Variants in LMO1 observed in about 807,000 individuals in gnomAD.
LMO1 encodes the protein rhombotin-1.
In LMO1, 10 loss-of-function variants were observed where a neutral mutation model predicts 18.0. The ratio of observed to expected loss-of-function variants is 0.55; its 90% confidence interval spans 0.34 to 0.94. LMO1 has a LOEUF of 0.94. Among genes scored for constraint, LMO1 ranks in the 40% least tolerant of loss-of-function variants. LMO1 has a pLI of 0.02. For missense variants in LMO1, 183 were observed against 205.7 expected (o/e 0.89, Z 0.68); for synonymous variants, 77 against 77.9 (o/e 0.99, Z 0.06).
chr11:8,225,172 G>A (rs2134506554), intron 3 of LMO1, among the ~76,000 whole-genome samples: 1 of 151,996 alleles, frequency 6.6e-6, no homozygotes, highest in East Asian at 1.9e-4. Context: ...CCAACACTTT[G>A]GGAGGCTGAG....
chr11:8,268,414 GC>G, upstream of LMO1: 1 of 1,468,542 alleles, frequency 6.8e-7, no homozygotes, highest in Non-Finnish European at 9.0e-7. Flanking sequence ...GGCACCGGGC[GC>G]CGGGCACCTA....
In LMO1 at chr11:8,247,938, G is replaced by A. The variant is rs145968912; in HGVS notation, c.25+15400C>T. On this transcript the variant is annotated intron_variant, in intron 1 of 3. Coordinates refer to ENST00000335790, the MANE Select transcript of LMO1 (RefSeq NM_002315.3). ...ACTGTGTTCTCACCAACACCTCCTC[G>A]GGTGGGCACAGTGCTGCCTGGCTGG... 6.2e-4 allele frequency among the ~76,000 whole-genome samples: 95 copies of A among 152,312 alleles called. 1 individual carries two copies. The East Asian group carries it at 0.016, about 25-fold the overall frequency.
intron 3 of LMO1, 162 bp downstream of exon 3, chr11:8,226,813 A>G: frequency 4.5e-6 from 6 of 1,341,060 alleles, no homozygotes; most frequent in Non-Finnish European, 5.8e-6. Context: ...ACACACACAT[A>G]AAACACATAA....
chr11:8,252,551 G>C (rs2134572194), intron 1 of LMO1, among the ~76,000 whole-genome samples: 1 of 152,382 alleles, frequency 6.6e-6, no homozygotes, highest in South Asian at 2.1e-4. Flanking sequence ...GTGATGGAAT[G>C]TCACATCTGT....
At chr11:8,259,392 G>A (rs945853491) in intron 1 of LMO1, among the ~76,000 whole-genome samples, 4 of 152,186 alleles carry the variant, frequency 2.6e-5, no homozygotes, top group Non-Finnish European at 2.9e-5. Flanking sequence ...AAGGGGAAGC[G>A]GCTGTATGTG....
chr11:8,224,777 G>A (rs1952504059), intron 3 of LMO1, 56 bp from the exon 4 acceptor site: 1 of 1,206,804 alleles, frequency 8.3e-7, no homozygotes, highest in East Asian at 2.5e-5. Context: ...GGGTAAGGGG[G>A]GGGCTGCAGA....
intron 1 of LMO1, among the ~76,000 whole-genome samples, chr11:8,247,110 G>A (rs1379939623): frequency 6.6e-6 from 1 of 152,212 alleles, no homozygotes; most frequent in East Asian, 1.9e-4. Context: ...TGAAATTTCT[G>A]CATCCTTCAA....
chr11:8,260,439 A>G (rs555424561), intron 1 of LMO1, among the ~76,000 whole-genome samples: 1 of 152,164 alleles, frequency 6.6e-6, no homozygotes, highest in Non-Finnish European at 1.5e-5. Context: ...GGCCAAGAGC[A>G]AGCATCCAAA....
intron 1 of LMO1, among the ~76,000 whole-genome samples, chr11:8,239,416 G>A (rs1846745452): frequency 6.6e-6 from 1 of 152,252 alleles, no homozygotes; most frequent in South Asian, 2.1e-4. Flanking sequence ...CAGCAAGGGG[G>A]CATGGACCAG....
At chr11:8,225,798 C>T (rs1171943959) in intron 3 of LMO1, among the ~76,000 whole-genome samples, 2 of 152,206 alleles carry the variant, frequency 1.3e-5, no homozygotes, top group Non-Finnish European at 2.9e-5. Flanking sequence ...ACAGCAGGTC[C>T]GGCCAGAGCC....
chr11:8,268,222 C>A (rs1004892029), upstream of LMO1, among the ~76,000 whole-genome samples: 1 of 152,130 alleles, frequency 6.6e-6, no homozygotes, highest in Non-Finnish European at 1.5e-5. Context: ...GAAGCCCGGG[C>A]GCTGAGCCTG....
In LMO1 at chr11:8,227,018, C is replaced by T. The variant is rs374994142; in HGVS notation, c.322G>A (p.Val108Met). 1.9e-6 allele frequency: 3 copies of T among 1,613,766 alleles called. No individual in the cohort carries two copies. Among genetic ancestry groups the T allele is most frequent in the Non-Finnish European group, 1.7e-6 (2 of 1,179,792 alleles). ...CAGGCGAAGCAGTCGAGGTGATACA[C>T]GTTGTCCCGGGCCCGCATCACCATC... ...FEMVMRARDN[V>M]YHLDCFACQL... The change falls in exon 3 of 4, where the codon GTG (valine) becomes ATG (methionine). Residue 108 changes from valine (V) to methionine (M), a missense_variant. Physicochemically the swap from Val to Met is conservative, Grantham distance 21 (BLOSUM62 1). Transcript: ENST00000335790.
intron 1 of LMO1, among the ~76,000 whole-genome samples, chr11:8,241,713 C>T (rs1018837662): frequency 2.0e-5 from 3 of 151,914 alleles, no homozygotes; most frequent in African/African-American, 7.3e-5. Context: ...TTTAAATGAG[C>T]TCCCCACACT....
upstream of LMO1, chr11:8,268,482 G>T (rs989993233): frequency 1.0e-5 from 14 of 1,393,854 alleles, no homozygotes; most frequent in East Asian, 6.2e-5. Flanking sequence ...TAGCGCCGAG[G>T]ATACGGAGGG....
rs1565174484 is a variant in LMO1, at chr11:8,227,090, T to A, written c.250A>T (p.Thr84Ser). 1 of 1,612,970 alleles carries A rather than the reference T, an allele frequency of 6.2e-7. No homozygotes were observed. The highest frequency in any genetic ancestry group is 1.7e-5 in the Admixed American group (1 of 59,978). The change falls in exon 3 of 4, where the codon ACC (threonine) becomes TCC (serine). Residue 84 changes from threonine to serine, a missense_variant. Physicochemically the swap from Thr to Ser is moderately conservative, Grantham distance 58. Coordinates refer to ENST00000335790, the MANE Select transcript of LMO1 (RefSeq NM_002315.3). ...CRRDYLRLFG[T>S]TGNCAACSKL... ...CTGCAAGCAGCACAGTTCCCTGTGGTGCCAAAGAGCCTGCCGAGGGAAGGG... is the reference window on the plus strand; with the variant it reads ...CTGCAAGCAGCACAGTTCCCTGTGGAGCCAAAGAGCCTGCCGAGGGAAGGG...
At chr11:8,243,037 G>C (rs577623970) in intron 1 of LMO1, among the ~76,000 whole-genome samples, 2 of 152,328 alleles carry the variant, frequency 1.3e-5, no homozygotes, top group South Asian at 4.1e-4. Flanking sequence ...TGCTAGCCAC[G>C]GGGCTGGGTG....
chr11:8,235,051 G>A (rs1258559704), intron 1 of LMO1, among the ~76,000 whole-genome samples: 1 of 152,200 alleles, frequency 6.6e-6, no homozygotes, highest in African/African-American at 2.4e-5. Flanking sequence ...AGAATGTGGT[G>A]AGGATAGAAT....
chr11:8,232,876 G>A (rs1362260386), intron 1 of LMO1, among the ~76,000 whole-genome samples: 1 of 152,150 alleles, frequency 6.6e-6, no homozygotes, highest in Non-Finnish European at 1.5e-5. Flanking sequence ...ATCTACCCTG[G>A]CTCTTGGACA....
At chr11:8,241,869 C>T (rs1175031538) in intron 1 of LMO1, among the ~76,000 whole-genome samples, 1 of 152,122 alleles carries the variant, frequency 6.6e-6, no homozygotes, top group Non-Finnish European at 1.5e-5. Flanking sequence ...TTCTTGGGGC[C>T]CTACATGCCT....
Sources: allele counts gnomAD v4.1 joint callset (sites outside exome capture counted in the v4.1 genomes callset), GRCh38; gene constraint gnomAD v4.1.1; transcripts MANE v1.5; gene names NCBI Gene and HGNC (gene_info 2026-07-23, HGNC 2026-07-21).